The following PCBP3 variants were observed in gnomAD, a reference collection of about 807,000 sequenced individuals.
PCBP3 encodes poly(rC) binding protein 3, also known as poly(rC)-binding protein 3.
Under a neutral mutation model 52.7 loss-of-function variants are expected in PCBP3, and 25 were observed. The observed-to-expected ratio is 0.47, with a 90% confidence interval of 0.35 to 0.66. The LOEUF is 0.66. Ranked by LOEUF, PCBP3 falls within the 30% of genes least tolerant of loss-of-function variation. The probability of loss-of-function intolerance (pLI) is 0.01; values close to 1 mark genes in which losing one functional copy is unlikely to be tolerated. For missense variants in PCBP3, 391 were observed against 490.3 expected, an observed-to-expected ratio of 0.80 and a Z score of 1.91; for synonymous variants, 162 against 183.0, an observed-to-expected ratio of 0.89 and a Z score of 0.93.
chr21:45,834,236 TG>T (rs2147829747), intron 4 of PCBP3, among the ~76,000 whole-genome samples: 1 of 152,334 alleles, frequency 6.6e-6, no homozygotes, highest in South Asian at 2.1e-4. Flanking sequence ...GCACAGTGCC[TG>T]GAGCCCGGCT....
chr21:45,815,717 ATGAGTGGTGAGTGGTGAG>A (rs2092910660), intron 4 of PCBP3, among the ~76,000 whole-genome samples: 1 of 39,960 alleles, frequency 2.5e-5, no homozygotes, highest in Non-Finnish European at 4.5e-5. Flanking sequence ...GTAGTGAGTG[ATGAGTGGTGAGTGGTGAG>A]TGAGTGGTGA....
chr21:45,815,157 GGTGAGTA>G (rs1271015700), intron 4 of PCBP3, among the ~76,000 whole-genome samples: 2 of 65,486 alleles, frequency 3.1e-5, no homozygotes, highest in Non-Finnish European at 6.0e-5. Flanking sequence ...GTGAGTGAGT[GGTGAGTA>G]GTGAGTGGTG....
At chr21:45,870,626 C>T (rs1222580368) in intron 5 of PCBP3, among the ~76,000 whole-genome samples, 1 of 152,232 alleles carries the variant, frequency 6.6e-6, no homozygotes, top group Non-Finnish European at 1.5e-5. Flanking sequence ...AGGCCTGGCC[C>T]TGCACCCCGG....
At chr21:45,686,831 G>A (rs959320254) in intron 2 of PCBP3, among the ~76,000 whole-genome samples, 1 of 151,984 alleles carries the variant, frequency 6.6e-6, no homozygotes, top group African/African-American at 2.4e-5. Context: ...CATAGAAATA[G>A]AAAAGACCCA....
rs2077496750 is a variant in PCBP3 at position 45,941,846 on chromosome 21, A to G, written c.*140A>G. The stretch of plus-strand genomic sequence containing the variant: ...CTTAATTAACAAAAGGACGTATGCC[A>G]TGGAGAAACACACCCGCGCACACAG... On this transcript the variant is annotated 3_prime_UTR_variant, in exon 18 of 18. Coordinates refer to ENST00000681687, the MANE Select transcript of PCBP3 (RefSeq NM_001384156.1). 6 of 602,286 alleles carry G rather than the reference A, an allele frequency of 1.0e-5. No individual in the cohort carries two copies. The highest frequency in any genetic ancestry group is 3.5e-5 in the Admixed American group (1 of 28,296). 37.3% of individuals were successfully genotyped at this position (602,286 alleles called of 1,614,324 possible).
At chr21:45,824,154 G>A (rs2093238833) in intron 4 of PCBP3, among the ~76,000 whole-genome samples, 1 of 152,074 alleles carries the variant, frequency 6.6e-6, no homozygotes, top group African/African-American at 2.4e-5. Context: ...ATTGTCTTGG[G>A]CAGGGGATGT....
intron 4 of PCBP3, among the ~76,000 whole-genome samples, chr21:45,832,443 T>C (rs2093474860): frequency 6.6e-6 from 1 of 152,174 alleles, no homozygotes; most frequent in African/African-American, 2.4e-5. Context: ...GTCTCAGCCT[T>C]ATTTTACCCA....
intron 4 of PCBP3, among the ~76,000 whole-genome samples, chr21:45,772,184 C>T (rs1165939434): frequency 1.3e-5 from 2 of 151,832 alleles, no homozygotes; most frequent in Non-Finnish European, 2.9e-5. Flanking sequence ...GTTTGTAATC[C>T]ACTTCCTTTC....
chr21:45,900,548 C>G (rs1358684152), intron 7 of PCBP3, 43 bp from the exon 8 acceptor site: 1 of 1,556,790 alleles, frequency 6.4e-7, no homozygotes. Context: ...GTCCTCAGAG[C>G]CAGAGGGATA....
intron 5 of PCBP3, among the ~76,000 whole-genome samples, chr21:45,874,509 T>G (rs975918132): frequency 2.0e-5 from 3 of 149,362 alleles, no homozygotes; most frequent in Non-Finnish European, 4.5e-5. Context: ...TCTTTTCTTT[T>G]TTTTTTTTTT....
At chr21:45,739,142 C>T (rs1396087348) in intron 3 of PCBP3, among the ~76,000 whole-genome samples, 5 of 136,210 alleles carry the variant, frequency 3.7e-5, no homozygotes, top group Admixed American at 7.2e-5. Flanking sequence ...CATCAGCCCA[C>T]CCCTTCCTGT....
chr21:45,715,674 TTC>T (rs1419672096), intron 2 of PCBP3, among the ~76,000 whole-genome samples: 1 of 152,228 alleles, frequency 6.6e-6, no homozygotes, highest in East Asian at 1.9e-4. Flanking sequence ...ATTATTACCG[TTC>T]TAGTGAATGT....
chr21:45,836,964 C>T (rs1204839164), intron 4 of PCBP3, among the ~76,000 whole-genome samples: 4 of 152,088 alleles, frequency 2.6e-5, no homozygotes, highest in East Asian at 1.9e-4. Flanking sequence ...TCATGCGGCT[C>T]GCTTGCCATT....
chr21:45,725,169 T>G (rs774605253), intron 2 of PCBP3, among the ~76,000 whole-genome samples: 17 of 152,172 alleles, frequency 1.1e-4, no homozygotes, highest in Non-Finnish European at 2.2e-4. Flanking sequence ...GCCTGGGCCC[T>G]GGGCTGCGGT....
At chr21:45,761,074 C>T in intron 4 of PCBP3, 1 of 149,514 alleles carries the variant, frequency 6.7e-6, no homozygotes, top group Non-Finnish European at 1.5e-5. Context: ...GAGACTCCAT[C>T]TCAAAAAAAA....
intron 4 of PCBP3, among the ~76,000 whole-genome samples, chr21:45,784,397 G>C (rs34211604): frequency 2.1e-4 from 15 of 70,358 alleles, no homozygotes; most frequent in East Asian, 6.6e-4. Flanking sequence ...TACCTCTACC[G>C]CTACCTCTAC....
chr21:45,747,308 C>T (rs1049047282), intron 3 of PCBP3, among the ~76,000 whole-genome samples: 1 of 152,202 alleles, frequency 6.6e-6, no homozygotes, highest in Non-Finnish European at 1.5e-5. Context: ...TCCCACGACA[C>T]GTGGGGATTA....
intron 2 of PCBP3, among the ~76,000 whole-genome samples, chr21:45,732,464 C>T (rs1401399386): frequency 6.7e-6 from 1 of 149,110 alleles, no homozygotes; most frequent in Non-Finnish European, 1.5e-5. Flanking sequence ...ATTTTAGCTG[C>T]TCTTGCCATA....
At chr21:45,663,187 C>T (rs2147114031) in intron 1 of PCBP3, among the ~76,000 whole-genome samples, 1 of 151,788 alleles carries the variant, frequency 6.6e-6, no homozygotes, top group African/African-American at 2.4e-5. Flanking sequence ...CTCTCTCCAC[C>T]TTGGCTGCCA....
Sources: allele counts gnomAD v4.1 joint callset (sites outside exome capture counted in the v4.1 genomes callset), GRCh38; gene constraint gnomAD v4.1.1; transcripts MANE v1.5; gene names NCBI Gene and HGNC (gene_info 2026-07-23, HGNC 2026-07-21).